SYMPK: variants seen among roughly 807,000 people sequenced by gnomAD.
SYMPK encodes symplekin scaffold protein.
Under a neutral mutation model 136.4 loss-of-function variants are expected in SYMPK, and 49 were observed. That is an observed-to-expected ratio of 0.36 (90% CI 0.29 to 0.46). The LOEUF (loss-of-function observed/expected upper bound fraction) is 0.46. Among genes scored for constraint, SYMPK ranks in the 20% least tolerant of loss-of-function variants. SYMPK has a pLI of 1.00. For synonymous variants in SYMPK, 766 were observed against 713.0 expected (o/e 1.07, Z -1.19); for missense variants, 1,365 against 1,690.0 (o/e 0.81, Z 3.37).
rs1970908202 is a variant in SYMPK at position 45,821,855 on chromosome 19, A to G, written c.2792-370T>C. On this transcript the variant is annotated intron_variant, in intron 21 of 26. Transcript: ENST00000245934. This position sits in a 1 kb window ranked among gnomAD's most constrained non-coding sequence, Gnocchi z 4.4. ...AGGGGGTCATGGGCATTTGTGGCACAGGGCAAGATGGAGCCAGGCTACAGG... is the reference window on the plus strand; with the variant it reads ...AGGGGGTCATGGGCATTTGTGGCACGGGGCAAGATGGAGCCAGGCTACAGG... 6.6e-6 allele frequency among the ~76,000 whole-genome samples: 1 copy of G among 152,308 alleles called. No homozygotes were observed. Among genetic ancestry groups the G allele is most frequent in the South Asian group, 2.1e-4 (1 of 4,832 alleles).
intron 25 of SYMPK, 91 bp from the exon 26 acceptor site, chr19:45,816,274 A>C: frequency 8.8e-7 from 1 of 1,138,010 alleles, no homozygotes; most frequent in Non-Finnish European, 1.2e-6. Context: ...GTGGTCTTTG[A>C]GTTCTTCACC....
At chr19:45,862,760 C>A (rs1332079264) in intron 1 of SYMPK, among the ~76,000 whole-genome samples, 1 of 152,146 alleles carries the variant, frequency 6.6e-6, no homozygotes, top group Non-Finnish European at 1.5e-5. Flanking sequence ...AGCGGGAAAG[C>A]GCATGGCAAG....
At chr19:45,853,709 C>T (rs2146343344) in intron 3 of SYMPK, among the ~76,000 whole-genome samples, 1 of 152,296 alleles carries the variant, frequency 6.6e-6, no homozygotes, top group South Asian at 2.1e-4. Flanking sequence ...TCCCTGACTC[C>T]CCATCCCTAG....
chr19:45,848,949 G>A, intron 5 of SYMPK, 73 bp from the exon 6 acceptor site: 2 of 1,573,962 alleles, frequency 1.3e-6, no homozygotes, highest in Non-Finnish European at 1.7e-6. Context: ...TGAGGTCCAG[G>A]AGGGAAGGGA....
Position 45,854,502 on chromosome 19 carries a change from T to C in SYMPK, c.-7A>G. 6.2e-7 allele frequency: 1 copy of C among 1,612,980 alleles called. No homozygotes were observed. Among genetic ancestry groups the C allele is most frequent in the Non-Finnish European group, 8.5e-7 (1 of 1,179,632 alleles). On this transcript the variant is annotated 5_prime_UTR_variant, in exon 2 of 27. Transcript: ENST00000245934. ...CTCCACTGCCGCTCGCCATGGCTGC[T>C]GTCAGCTTGTCCCCAGGAAAGAAGA... is the stretch of plus-strand genomic sequence containing the variant.
intron 5 of SYMPK, among the ~76,000 whole-genome samples, chr19:45,850,620 T>A (rs1386099122): frequency 6.6e-6 from 1 of 152,138 alleles, no homozygotes; most frequent in African/African-American, 2.4e-5. Context: ...GGAAAGGACC[T>A]GACACAGCGC....
At chr19:45,853,030 G>C (rs1971732672) in intron 3 of SYMPK, among the ~76,000 whole-genome samples, 1 of 152,156 alleles carries the variant, frequency 6.6e-6, no homozygotes, top group African/African-American at 2.4e-5. Context: ...TTTGGAGTAA[G>C]CCCTTCCCAT....
Position 45,823,871 on chromosome 19 carries a change from C to A in SYMPK, c.2495G>T (p.Arg832Leu). Residue 832 changes from arginine to leucine, a missense_variant, in exon 19 of 27, where the codon CGA becomes CTA. Physicochemically the swap from Arg to Leu is moderately radical, Grantham distance 102 (BLOSUM62 -2). Coordinates refer to ENST00000245934, the MANE Select transcript of SYMPK (RefSeq NM_004819.3). ...TVLRVIEQPIRGMGMNSPELL... is the reference protein window; with the variant it reads ...TVLRVIEQPILGMGMNSPELL... Reference sequence around the variant, plus strand: ...CTCCGGGGAGTTCATGCCCATTCCTCGGATCTAGAGGCAGAGACAGGGATG... The same window carrying A: ...CTCCGGGGAGTTCATGCCCATTCCTAGGATCTAGAGGCAGAGACAGGGATG... The A allele has an allele frequency of 6.2e-7, 1 of 1,613,706 alleles. No homozygotes were observed. Among genetic ancestry groups the A allele is most frequent in the Non-Finnish European group, 8.5e-7 (1 of 1,179,816 alleles).
Position 45,815,429 on chromosome 19 carries a change from T to C in SYMPK, c.*131A>G, listed in dbSNP as rs900900905. ...GCCCCAGGCCCGCCATCCCTTTTTT[T>C]TTTTCTTTTCAGTAACTTGCCCAAG... On this transcript the variant is annotated 3_prime_UTR_variant, in exon 27 of 27. Coordinates refer to ENST00000245934, the MANE Select transcript of SYMPK (RefSeq NM_004819.3). The C allele has an allele frequency of 3.7e-6, 4 of 1,068,444 alleles. No homozygotes were observed. The highest frequency in any genetic ancestry group is 3.1e-4 in the Middle Eastern group (1 of 3,182). 66.2% of individuals were successfully genotyped at this position (1,068,444 alleles called of 1,614,324 possible). A position where few individuals can be genotyped will look rare whatever the true frequency, so the allele number is the denominator to read the frequency against.
At chr19:45,854,565 G>C in intron 1 of SYMPK, 58 bp from the exon 2 acceptor site, 1 of 1,436,052 alleles carries the variant, frequency 7.0e-7, no homozygotes, top group South Asian at 1.2e-5. Context: ...GATGGGCTGG[G>C]CTGGATTGTC....
chr19:45,828,206 G>A (rs1971091372), intron 14 of SYMPK: 2 of 380,078 alleles, frequency 5.3e-6, no homozygotes, highest in Non-Finnish European at 1.0e-5. Context: ...ATGGCGGGTG[G>A]AGAAGGGTGT....
intron 1 of SYMPK, among the ~76,000 whole-genome samples, chr19:45,858,590 A>C (rs1313484913): frequency 6.6e-6 from 1 of 151,660 alleles, no homozygotes; most frequent in African/African-American, 2.4e-5. Context: ...ATCTCAGCTC[A>C]CAGCAACCTC....
intron 11 of SYMPK, among the ~76,000 whole-genome samples, chr19:45,834,659 G>C (rs1971262467): frequency 6.6e-6 from 1 of 152,036 alleles, no homozygotes; most frequent in African/African-American, 2.4e-5. Flanking sequence ...TTGGATAAGG[G>C]ATATTTAACC....
chr19:45,827,396 G>T, intron 16 of SYMPK, 114 bp downstream of exon 16: 1 of 709,970 alleles, frequency 1.4e-6, no homozygotes, highest in East Asian at 2.7e-5. Context: ...AGAAGGGAAT[G>T]GGCCCAGAGA....
chr19:45,816,341 C>T (rs901909612), intron 25 of SYMPK, 141 bp downstream of exon 25: 4 of 1,263,604 alleles, frequency 3.2e-6, no homozygotes, highest in African/African-American at 3.0e-5. Flanking sequence ...CCAGCAGGAG[C>T]ATCCCCTGGG....
intron 1 of SYMPK, among the ~76,000 whole-genome samples, chr19:45,860,932 G>C (rs1186112164): frequency 6.6e-6 from 1 of 152,206 alleles, no homozygotes; most frequent in Non-Finnish European, 1.5e-5. Context: ...AAGGCATATA[G>C]CTTGTAAGAG....
chr19:45,821,340 C>T lies in SYMPK; in HGVS notation c.2893+44G>A, dbSNP rs1489926986. 16 of 1,462,572 alleles carry T rather than the reference C, an allele frequency of 1.1e-5. No homozygotes were observed. The highest frequency in any genetic ancestry group is 6.8e-5 in the East Asian group (3 of 44,154). The allele number at this position is 1,462,572 out of a possible 1,614,324, so 90.6% of individuals were successfully genotyped here. On this transcript the variant is annotated intron_variant, in intron 22 of 26. Transcript: ENST00000245934. This position sits in a 1 kb window ranked among gnomAD's most constrained non-coding sequence, Gnocchi z 4.4. ...GTGGGTGACTGAGGTCCTGCCCTGGCGTCGCAGGGGCCAGGCCACTGGAGT... is the reference window on the plus strand; with the variant it reads ...GTGGGTGACTGAGGTCCTGCCCTGGTGTCGCAGGGGCCAGGCCACTGGAGT...
At chr19:45,833,426 C>A (rs1024726462) in intron 11 of SYMPK, among the ~76,000 whole-genome samples, 2 of 151,886 alleles carry the variant, frequency 1.3e-5, no homozygotes, top group African/African-American at 2.4e-5. Flanking sequence ...ACGGTGAAAC[C>A]CCGTCTCTAC....
At chr19:45,832,135 G>T (rs1178176096) in intron 11 of SYMPK, among the ~76,000 whole-genome samples, 1 of 151,512 alleles carries the variant, frequency 6.6e-6, no homozygotes, top group Non-Finnish European at 1.5e-5. Flanking sequence ...GAGCCACTGT[G>T]CCCAGCCCTC....
Sources: allele counts gnomAD v4.1 joint callset (sites outside exome capture counted in the v4.1 genomes callset), GRCh38; gene constraint gnomAD v4.1.1; non-coding constraint Gnocchi (gnomAD v3.1); transcripts MANE v1.5; gene names NCBI Gene and HGNC (gene_info 2026-07-23, HGNC 2026-07-21).